The following RAI2 variants were observed in gnomAD, a reference collection of about 807,000 sequenced individuals.
The protein encoded by RAI2 is retinoic acid induced 2.
A neutral mutation model predicts 15.3 loss-of-function variants in RAI2; 5 were observed. That is an observed-to-expected ratio of 0.33 (90% CI 0.17 to 0.69). RAI2 has a LOEUF of 0.69. RAI2 is among the 30% of genes least tolerant of loss of function. The pLI, the probability that RAI2 is intolerant of heterozygous loss-of-function variation, is 0.69. For missense variants in RAI2, 424 were observed against 424.7 expected (o/e 1.00, Z 0.01); for synonymous variants, 191 against 184.0 (o/e 1.04, Z -0.31).
intron 1 of RAI2, among the ~76,000 whole-genome samples, chrX:17,818,694 G>C (rs2067131808): frequency 8.9e-6 from 1 of 112,847 alleles, no homozygotes; most frequent in African/African-American, 3.2e-5. Flanking sequence ...GGCACTTCCA[G>C]GGATGGCTCC....
Position 17,801,117 on chromosome X carries a change from C to T in RAI2, c.894G>A (p.Glu298=). 1 of 1,211,642 alleles carries T rather than the reference C, an allele frequency of 8.3e-7. No individual in the cohort carries two copies. Reference sequence around the variant, plus strand: ...CCGTGTGGCGGCTGAGCTGGAAGTACTCCTTAGGCTGGAGGATGTCAAAGG... The same window carrying T: ...CCGTGTGGCGGCTGAGCTGGAAGTATTCCTTAGGCTGGAGGATGTCAAAGG... The part of the protein sequence containing the change: ...LKPFDILQPK[E]YFQLSRHTVI... The change falls in exon 2 of 2, where the codon GAG becomes GAA. Residue 298 remains glutamate (E), a synonymous_variant. Coordinates refer to ENST00000451717, the MANE Select transcript of RAI2 (RefSeq NM_021785.6).
rs188714171 is a variant in RAI2 at position 17,805,364 on chromosome X, G to A, written c.-24-3330C>T. 5.1e-4 allele frequency among the ~76,000 whole-genome samples: 58 copies of A among 112,920 alleles called. 1 individual carries two copies. The highest frequency in any genetic ancestry group is 4.6e-3 in the Middle Eastern group (1 of 218). On this transcript the variant is annotated intron_variant, in intron 1 of 1. Coordinates refer to ENST00000451717, the MANE Select transcript of RAI2 (RefSeq NM_021785.6). ...TCTTTTTTCCCCCACAAGGGGCCTC[G>A]TCTGTCCCTCTGGTCACCGGAGTTC...
At chrX:17,808,469 T>G (rs182926844) in intron 1 of RAI2, among the ~76,000 whole-genome samples, 1 of 111,470 alleles carries the variant, frequency 9.0e-6, no homozygotes, top group East Asian at 2.8e-4. Context: ...ATTTAATTAT[T>G]CTAGGATGCA....
chrX:17,804,405 G>A (rs1436322956), intron 1 of RAI2, among the ~76,000 whole-genome samples: 1 of 112,246 alleles, frequency 8.9e-6, no homozygotes, highest in Non-Finnish European at 1.9e-5. Context: ...GCATGCAAAC[G>A]CATCAACGTT....
At chrX:17,841,460 C>T (rs2067396493) in intron 1 of RAI2, among the ~76,000 whole-genome samples, 1 of 112,440 alleles carries the variant, frequency 8.9e-6, no homozygotes, top group Non-Finnish European at 1.9e-5. Context: ...TCGCACTTTG[C>T]AGAACCAGTA....
chrX:17,833,430 G>T (rs901735255), intron 1 of RAI2, among the ~76,000 whole-genome samples: 2 of 111,692 alleles, frequency 1.8e-5, no homozygotes, highest in African/African-American at 6.5e-5. Flanking sequence ...GCTCAGGCAG[G>T]AGAATCACTT....
At chrX:17,820,890 T>TAA (rs55976503) in intron 1 of RAI2, among the ~76,000 whole-genome samples, 2 of 97,708 alleles carry the variant, frequency 2.0e-5, no homozygotes, top group African/African-American at 3.7e-5. Context: ...CATTCTTTTG[T>TAA]AAAAAAAAAA....
In RAI2 at chrX:17,800,591, C is replaced by G. The variant is rs147416008; in HGVS notation, c.1420G>C (p.Val474Leu). Residue 474 changes from valine to leucine, a missense_variant, in exon 2 of 2, where the codon GTG becomes CTG. Transcript: ENST00000451717. ...KNFSFKREDS[V>L]LQGYDINSQG... ...CTGTTGATGTCATAGCCCTGAAGCACGGAGTCTTCTCTTTTGAAGGAGAAG... is the reference window on the plus strand; with the variant it reads ...CTGTTGATGTCATAGCCCTGAAGCAGGGAGTCTTCTCTTTTGAAGGAGAAG... 9.1e-6 allele frequency: 11 copies of G among 1,211,247 alleles called. No individual in the cohort carries two copies. In the Admixed American group the frequency reaches 1.7e-4, roughly 19 times the overall value.
chrX:17,812,897 G>C (rs1351106004), intron 1 of RAI2, among the ~76,000 whole-genome samples: 1 of 111,788 alleles, frequency 8.9e-6, no homozygotes. Context: ...AAAGAACACA[G>C]AGAAACTGAG....
intron 1 of RAI2, among the ~76,000 whole-genome samples, chrX:17,811,531 T>C (rs1302380981): frequency 8.9e-6 from 1 of 112,685 alleles, no homozygotes; most frequent in Non-Finnish European, 1.9e-5. Context: ...AAAATACTTC[T>C]AATTAGATTG....
At chrX:17,805,844 C>T (rs1465655901) in intron 1 of RAI2, among the ~76,000 whole-genome samples, 1 of 112,181 alleles carries the variant, frequency 8.9e-6, no homozygotes, top group East Asian at 2.8e-4. Context: ...CCACCTAGTC[C>T]CCACCAAGTA....
intron 1 of RAI2, among the ~76,000 whole-genome samples, chrX:17,830,613 C>T (rs1290006941): frequency 9.1e-6 from 1 of 110,298 alleles, no homozygotes; most frequent in African/African-American, 3.3e-5. Context: ...CAGGACAAGC[C>T]GAGCTGAACA....
chrX:17,817,917 T>C (rs2067124153), intron 1 of RAI2, among the ~76,000 whole-genome samples: 2 of 111,746 alleles, frequency 1.8e-5, no homozygotes, highest in East Asian at 2.8e-4. Context: ...TGGTGCCCTA[T>C]ATAATTGATT....
chrX:17,800,172 T>C lies in RAI2; in HGVS notation c.*246A>G, dbSNP rs1246956640. 5.6e-6 allele frequency: 2 copies of C among 356,632 alleles called. No homozygotes were observed. Among genetic ancestry groups the C allele is most frequent in the Non-Finnish European group, 4.7e-6 (1 of 213,586 alleles). The allele number at this position is 356,632 out of a possible 1,213,427, so 29.4% of individuals were successfully genotyped here. A position where few individuals can be genotyped will look rare whatever the true frequency, so the allele number is the denominator to read the frequency against. On this transcript the variant is annotated 3_prime_UTR_variant, in exon 2 of 2. Transcript: ENST00000451717. Reference sequence around the variant, plus strand: ...CCCCTCTAATTCACCCAATATTCCATTAAAGCTGCAAAAAATGTGCAATCT... The same window carrying C: ...CCCCTCTAATTCACCCAATATTCCACTAAAGCTGCAAAAAATGTGCAATCT...
intron 1 of RAI2, among the ~76,000 whole-genome samples, chrX:17,828,632 C>T (rs12845504): frequency 0.14 from 15,887 of 111,424 alleles, 1,143 homozygotes; most frequent in Middle Eastern, 0.29. Flanking sequence ...GAGAAGTAAG[C>T]GGACCTTGAT....
chrX:17,805,540 C>T (rs1323388475), intron 1 of RAI2, among the ~76,000 whole-genome samples: 15 of 112,510 alleles, frequency 1.3e-4, no homozygotes, highest in Non-Finnish European at 7.5e-5. Context: ...GAGGGCATCT[C>T]AGCACCAATG....
chrX:17,820,951 G>A (rs2067158266), intron 1 of RAI2, among the ~76,000 whole-genome samples: 1 of 110,864 alleles, frequency 9.0e-6, no homozygotes, highest in South Asian at 3.8e-4. Context: ...CCAGGCTGGA[G>A]GGCAGTGGGG....
At chrX:17,828,163 G>C (rs759470780) in intron 1 of RAI2, among the ~76,000 whole-genome samples, 1 of 110,729 alleles carries the variant, frequency 9.0e-6, no homozygotes, top group East Asian at 2.9e-4. Flanking sequence ...GTAGTGCTAC[G>C]GGTGGGTCAC....
At chrX:17,849,238 G>A (rs1308028371) in intron 1 of RAI2, among the ~76,000 whole-genome samples, 5 of 112,721 alleles carry the variant, frequency 4.4e-5, no homozygotes, top group African/African-American at 9.7e-5. Context: ...GAATGGTGCG[G>A]TGAAACAAGC....
Sources: allele counts gnomAD v4.1 joint callset (sites outside exome capture counted in the v4.1 genomes callset), GRCh38; gene constraint gnomAD v4.1.1; transcripts MANE v1.5; gene names NCBI Gene and HGNC (gene_info 2026-07-23, HGNC 2026-07-21).